Variants in AFF4 observed in about 807,000 individuals in gnomAD.
The protein encoded by AFF4 is AF4/FMR2 family member 4.
Under a neutral mutation model 124.8 loss-of-function variants are expected in AFF4, and 13 were observed. The ratio of observed to expected loss-of-function variants is 0.10; its 90% confidence interval spans 0.07 to 0.17. AFF4 has a LOEUF of 0.17. Among genes scored for constraint, AFF4 ranks in the 10% least tolerant of loss-of-function variants. The probability of loss-of-function intolerance (pLI) is 1.00; values close to 1 mark genes in which losing one functional copy is unlikely to be tolerated. For synonymous variants in AFF4, 477 were observed against 496.1 expected (o/e 0.96, Z 0.51); for missense variants, 1,092 against 1,403.8 (o/e 0.78, Z 3.55).
chr5:132,910,593 G>A (rs1173899445), intron 5 of AFF4, among the ~76,000 whole-genome samples: 1 of 152,154 alleles, frequency 6.6e-6, no homozygotes, highest in Non-Finnish European at 1.5e-5. Context: ...TACACATGAA[G>A]TTGTACCCAC....
rs779062120 is a variant in AFF4 at position 132,897,062 on chromosome 5, T to C, written c.1568A>G (p.Glu523Gly). 1 of 1,614,200 alleles carries C rather than the reference T, an allele frequency of 6.2e-7. No individual in the cohort carries two copies. The highest frequency in any genetic ancestry group is 1.1e-5 in the South Asian group (1 of 91,090). The change falls in exon 11 of 21, where the codon GAA becomes GGA. Residue 523 changes from glutamate (E) to glycine (G), a missense_variant. Physicochemically the swap from Glu to Gly is moderately conservative, Grantham distance 98 (BLOSUM62 -2). Transcript: ENST00000265343. Reference sequence around the variant, plus strand: ...TCGTCCCGGAGTAGCGGAACTCGTTTCTTTAGGTCCACTTGTATCAGTGTA... The same window carrying C: ...TCGTCCCGGAGTAGCGGAACTCGTTCCTTTAGGTCCACTTGTATCAGTGTA... ...NSYTDTSGPK[E>G]TSSATPGRDS...
chr5:132,937,101 G>T lies in AFF4; in HGVS notation c.89C>A (p.Pro30His), dbSNP rs745359210. ...EIQQGEDAFPPSSPLFAEPYK... is the reference protein window; with the variant it reads ...EIQQGEDAFPHSSPLFAEPYK... ...TGGCTCTGCAAAGAGAGGAGAGCTAGGTGGGAAGGCGTCTTCGCCCTGCTG... is the reference window on the plus strand; with the variant it reads ...TGGCTCTGCAAAGAGAGGAGAGCTATGTGGGAAGGCGTCTTCGCCCTGCTG... Residue 30 changes from proline to histidine, a missense_variant, in exon 2 of 21, where the codon CCT becomes CAT. Coordinates refer to ENST00000265343, the MANE Select transcript of AFF4 (RefSeq NM_014423.4). 16 of 1,613,666 alleles carry T rather than the reference G, an allele frequency of 9.9e-6. No homozygotes were observed. The highest frequency in any genetic ancestry group is 1.3e-5 in the African/African-American group (1 of 74,936).
In AFF4 at chr5:132,877,128, C is replaced by A. The variant is rs1759857595; in HGVS notation, c.*3931G>T. On this transcript the variant is annotated 3_prime_UTR_variant, in exon 21 of 21. Transcript: ENST00000265343. ...TGAAATGCTCTGTCTCCCCAAGTTA[C>A]TTAGGTTTTTTAAAAAACATCATCA... 1 of 205,728 alleles carries A rather than the reference C, an allele frequency of 4.9e-6. No homozygotes were observed. Among genetic ancestry groups the A allele is most frequent in the Admixed American group, 6.0e-5 (1 of 16,768 alleles). The allele number at this position is 205,728 out of a possible 1,614,324, so 12.7% of individuals were successfully genotyped here. A position where few individuals can be genotyped will look rare whatever the true frequency, so the allele number is the denominator to read the frequency against.
chr5:132,908,767 T>C (rs1441289368), intron 5 of AFF4, among the ~76,000 whole-genome samples: 1 of 102,070 alleles, frequency 9.8e-6, no homozygotes, highest in African/African-American at 4.0e-5. Context: ...CATATATATA[T>C]ATATATATAT....
chr5:132,888,278 T>C, intron 14 of AFF4, 118 bp from the exon 15 acceptor site: 1 of 730,482 alleles, frequency 1.4e-6, no homozygotes, highest in Non-Finnish European at 2.2e-6. Flanking sequence ...GAGCTGTTAC[T>C]AAGAATTTGT....
intron 1 of AFF4, among the ~76,000 whole-genome samples, chr5:132,955,053 A>C (rs1271476229): frequency 6.6e-6 from 1 of 152,044 alleles, no homozygotes; most frequent in East Asian, 1.9e-4. Flanking sequence ...CAGGATGGGG[A>C]GCTGGAAAAG....
chr5:132,899,212 T>G (rs1760487072), intron 8 of AFF4, 71 bp from the exon 9 acceptor site: 2 of 1,438,656 alleles, frequency 1.4e-6, no homozygotes, highest in Non-Finnish European at 1.9e-6. Context: ...GTGAATAATA[T>G]CTGAACTCTT....
At position 132,894,826 on chromosome 5, in the gene AFF4, T is replaced by G. The variant is rs147224807; in HGVS notation, c.2307+1497A>C. Among the ~76,000 whole-genome samples the G allele has an allele frequency of 9.2e-3, 1,395 of 152,126 alleles. 52 individuals are homozygous for G. The highest frequency in any genetic ancestry group is 0.069 in the Admixed American group (1,050 of 15,282). ...AAAATTAGCCAGGTGTGGGGTCGCA[T>G]GCCTGTAGTCCTAGCTACTTGGGAG... On this transcript the variant is annotated intron_variant, in intron 11 of 20. Coordinates refer to ENST00000265343, the MANE Select transcript of AFF4 (RefSeq NM_014423.4).
intron 18 of AFF4, among the ~76,000 whole-genome samples, chr5:132,885,836 T>G (rs1374246381): frequency 1.3e-5 from 2 of 152,130 alleles, no homozygotes; most frequent in Non-Finnish European, 2.9e-5. Context: ...TGCAGTGGCA[T>G]GACCTCGGCT....
intron 11 of AFF4, among the ~76,000 whole-genome samples, chr5:132,895,054 A>G (rs1172684413): frequency 6.6e-6 from 1 of 152,230 alleles, no homozygotes; most frequent in Non-Finnish European, 1.5e-5. Flanking sequence ...CTAGCTTCCA[A>G]AAGAGCAGAG....
rs183733965 is a variant in AFF4, at chr5:132,921,990, G to C, written c.1050+5131C>G. Among the ~76,000 whole-genome samples, 4 of 151,914 alleles carry C rather than the reference G, an allele frequency of 2.6e-5. No homozygotes were observed. The East Asian group carries it at 7.7e-4, about 29-fold the overall frequency. ...TGTGGAGACAGAGTCTCATTATGTT[G>C]CCTACACTGGTCTCAAACTCCTGGA... is the stretch of plus-strand genomic sequence containing the variant. On this transcript the variant is annotated intron_variant, in intron 5 of 20. Transcript: ENST00000265343.
rs1317395325 is a variant in AFF4 at position 132,917,718 on chromosome 5, T to C, written c.1050+9403A>G. ...TTCTTTTCTTTTCTTTTTTTTTTTT[T>C]TTTTTTTTTTTTGAGACAGAGACTC... On this transcript the variant is annotated intron_variant, in intron 5 of 20. Transcript: ENST00000265343. 4.1e-4 allele frequency among the ~76,000 whole-genome samples: 56 copies of C among 138,136 alleles called. 1 individual carries two copies. Among genetic ancestry groups the C allele is most frequent in the Non-Finnish European group, 6.7e-4 (43 of 64,050 alleles). The allele number at this position is 138,136 out of a possible 152,430, so 90.6% of individuals were successfully genotyped here. A position where few individuals can be genotyped will look rare whatever the true frequency, so the allele number is the denominator to read the frequency against.
At chr5:132,937,295 T>C (rs1347286027) in intron 1 of AFF4, 102 bp from the exon 2 acceptor site, 3 of 1,373,692 alleles carry the variant, frequency 2.2e-6, no homozygotes, top group Admixed American at 2.6e-5. Flanking sequence ...AGATTCCCTT[T>C]TGACCTCCAA....
chr5:132,881,777 C>G (rs191850187), intron 20 of AFF4, among the ~76,000 whole-genome samples: 74 of 151,774 alleles, frequency 4.9e-4, no homozygotes, highest in Middle Eastern at 3.4e-3. Context: ...ACCCTGGTCT[C>G]CTGGGTTCAA....
At chr5:132,923,937 A>G (rs1450660622) in intron 5 of AFF4, among the ~76,000 whole-genome samples, 1 of 152,128 alleles carries the variant, frequency 6.6e-6, no homozygotes, top group Non-Finnish European at 1.5e-5. Context: ...GTTTCCATAT[A>G]ATAAAATACT....
intron 16 of AFF4, 112 bp from the exon 17 acceptor site, chr5:132,887,704 C>T (rs1164840211): frequency 3.9e-5 from 58 of 1,490,446 alleles, no homozygotes; most frequent in Non-Finnish European, 4.6e-5. Context: ...AGCAAAAATA[C>T]TCATTGAAGT....
chr5:132,912,854 A>AC (rs147605069), intron 5 of AFF4, among the ~76,000 whole-genome samples: 84 of 146,740 alleles, frequency 5.7e-4, no homozygotes, highest in African/African-American at 2.1e-3. Flanking sequence ...ACACACACAC[A>AC]ACACACACAC....
rs1759854254 is a variant in AFF4, at chr5:132,877,002, A to G, written c.*4057T>C. 5.0e-6 allele frequency: 1 copy of G among 198,566 alleles called. No individual in the cohort carries two copies. 12.3% of individuals were successfully genotyped at this position (198,566 alleles called of 1,614,324 possible). A position where few individuals can be genotyped will look rare whatever the true frequency, so the allele number is the denominator to read the frequency against. On this transcript the variant is annotated 3_prime_UTR_variant, in exon 21 of 21. Transcript: ENST00000265343. The stretch of plus-strand genomic sequence containing the variant: ...TAGATGTACAGTATTATTACTGGAA[A>G]AAAAGCCTGCCTCTTCAATACATTA...
intron 1 of AFF4, among the ~76,000 whole-genome samples, chr5:132,952,136 G>A (rs1761858555): frequency 6.6e-6 from 1 of 152,146 alleles, no homozygotes; most frequent in African/African-American, 2.4e-5. Flanking sequence ...AGTTCTTCTA[G>A]AATAGACAGC....
Sources: allele counts gnomAD v4.1 joint callset (sites outside exome capture counted in the v4.1 genomes callset), GRCh38; gene constraint gnomAD v4.1.1; transcripts MANE v1.5; gene names NCBI Gene and HGNC (gene_info 2026-07-23, HGNC 2026-07-21).